Variants in RPSA2 observed in about 807,000 individuals in gnomAD.
RPSA2 encodes small ribosomal subunit protein uS2B.
At chr19:23,860,029 G>A in the RPSA2 span, among the ~76,000 whole-genome samples, 1 of 152,056 alleles carries the variant, frequency 6.6e-6, no homozygotes, top group Non-Finnish European at 1.5e-5. Context: ...ATCAAAGAGG[G>A]TACCAGATTC....
the RPSA2 span, among the ~76,000 whole-genome samples, chr19:23,785,165 G>C: frequency 6.6e-6 from 1 of 152,136 alleles, no homozygotes; most frequent in African/African-American, 2.4e-5. Flanking sequence ...CCCTCAGGTG[G>C]CATTGTGACA....
chr19:23,778,941 G>A, the RPSA2 span, among the ~76,000 whole-genome samples: 1 of 147,286 alleles, frequency 6.8e-6, no homozygotes, highest in African/African-American at 2.5e-5. Flanking sequence ...CCCTCATTTA[G>A]GTAATTTGAC....
At chr19:23,858,303 T>C in the RPSA2 span, among the ~76,000 whole-genome samples, 1 of 151,616 alleles carries the variant, frequency 6.6e-6, no homozygotes, top group East Asian at 1.9e-4. Context: ...ATAGTTTTAA[T>C]GTACATTGTT....
At chr19:23,850,950 G>A in the RPSA2 span, among the ~76,000 whole-genome samples, 6 of 152,164 alleles carry the variant, frequency 3.9e-5, no homozygotes, top group African/African-American at 9.7e-5. Flanking sequence ...AGGATTGTAA[G>A]GGATTCTGGT....
the RPSA2 span, chr19:23,832,841 C>G: frequency 6.3e-7 from 1 of 1,582,316 alleles, no homozygotes; most frequent in Non-Finnish European, 8.6e-7. Context: ...AGCCAGTCCT[C>G]AACCCTTACT....
chr19:23,763,588 C>T, the RPSA2 span, among the ~76,000 whole-genome samples: 122 of 152,302 alleles, frequency 8.0e-4, no homozygotes, highest in African/African-American at 2.9e-3. Context: ...CGTGCCTCCG[C>T]CTCCCGAGAA....
chr19:23,812,271 A>G, the RPSA2 span, among the ~76,000 whole-genome samples: 1 of 152,142 alleles, frequency 6.6e-6, no homozygotes, highest in African/African-American at 2.4e-5. Flanking sequence ...TTAAAAGATA[A>G]ATGGGCCATA....
the RPSA2 span, among the ~76,000 whole-genome samples, chr19:23,785,136 T>G: frequency 6.6e-6 from 1 of 152,166 alleles, no homozygotes; most frequent in Admixed American, 6.5e-5. Context: ...AAGTGACTCT[T>G]TTTCCAGCCT....
chr19:23,800,438 G>A, the RPSA2 span, among the ~76,000 whole-genome samples: 1 of 152,046 alleles, frequency 6.6e-6, no homozygotes, highest in Admixed American at 6.6e-5. Flanking sequence ...CAAATAAGGT[G>A]CCAACCAAGC....
the RPSA2 span, among the ~76,000 whole-genome samples, chr19:23,836,772 T>C: frequency 6.6e-6 from 1 of 152,202 alleles, no homozygotes; most frequent in Non-Finnish European, 1.5e-5. Flanking sequence ...ATTAGTGATG[T>C]TGAGCATTTT....
chr19:23,828,082 A>G, the RPSA2 span: 1 of 614,416 alleles, frequency 1.6e-6, no homozygotes, highest in Non-Finnish European at 2.8e-6. Context: ...AGCAGCATGG[A>G]AAAATGGTTG....
chr19:23,830,181 C>A, the RPSA2 span, among the ~76,000 whole-genome samples: 2 of 152,136 alleles, frequency 1.3e-5, no homozygotes, highest in Non-Finnish European at 2.9e-5. Context: ...CTCTCTATCC[C>A]CCAGCCAGGC....
At chr19:23,852,702 A>T in the RPSA2 span, among the ~76,000 whole-genome samples, 1 of 152,032 alleles carries the variant, frequency 6.6e-6, no homozygotes, top group South Asian at 2.1e-4. Context: ...GCCATTATGG[A>T]CATGTTATAT....
chr19:23,832,037 C>G, the RPSA2 span: 3 of 439,258 alleles, frequency 6.8e-6, no homozygotes, highest in African/African-American at 2.1e-5. Flanking sequence ...AAAATTCATA[C>G]TGAACAGAAA....
the RPSA2 span, among the ~76,000 whole-genome samples, chr19:23,852,136 G>A: frequency 2.0e-5 from 3 of 152,192 alleles, no homozygotes; most frequent in Admixed American, 6.5e-5. Flanking sequence ...AGACAACTGG[G>A]CAGTTTGGAT....
the RPSA2 span, among the ~76,000 whole-genome samples, chr19:23,805,310 A>C: frequency 6.6e-6 from 1 of 152,010 alleles, no homozygotes; most frequent in Non-Finnish European, 1.5e-5. Flanking sequence ...GATTACAGGC[A>C]TGTGCCACCA....
At chr19:23,775,977 T>C in the RPSA2 span, among the ~76,000 whole-genome samples, 2 of 152,172 alleles carry the variant, frequency 1.3e-5, no homozygotes, top group Admixed American at 1.3e-4. Context: ...TTCTTCAGAA[T>C]TGGCCCAGCC....
chr19:23,774,437 G>A, the RPSA2 span, among the ~76,000 whole-genome samples: 148,829 of 152,168 alleles, frequency 0.98, 72,875 homozygotes, highest in Middle Eastern at 1. Context: ...CTTCCATCAT[G>A]AGTTCTGCTG....
At chr19:23,804,197 TTTAAGA>T in the RPSA2 span, among the ~76,000 whole-genome samples, 15 of 152,358 alleles carry the variant, frequency 9.8e-5, no homozygotes, top group African/African-American at 3.4e-4. Flanking sequence ...AATATGATAC[TTTAAGA>T]TAAAGAATGG....
Sources: gnomAD v4.1 joint callset for allele counts (sites outside exome capture counted in the v4.1 genomes callset) on GRCh38, gnomAD v4.1.1 for gene constraint, MANE v1.5 for transcripts, NCBI Gene and HGNC (gene_info 2026-07-23, HGNC 2026-07-21) for gene names.